PRKCA: variants seen among roughly 807,000 people sequenced by gnomAD.
The protein encoded by PRKCA is protein kinase C alpha.
A neutral mutation model predicts 87.0 loss-of-function variants in PRKCA; 27 were observed. The observed-to-expected ratio is 0.31, with a 90% confidence interval of 0.23 to 0.43. The LOEUF is 0.43. PRKCA is among the 20% of genes least tolerant of loss of function. PRKCA has a pLI of 1.00. For missense variants in PRKCA, 518 were observed against 852.3 expected (o/e 0.61, Z 4.88); for synonymous variants, 329 against 311.1 (o/e 1.06, Z -0.61).
chr17:66,303,165 G>A lies in PRKCA; in HGVS notation c.173+141G>A. The stretch of plus-strand genomic sequence containing the variant: ...GGAGTCCGAACTCTTCGCCCGGAGT[G>A]ACACGCGCGCCCGGCCCTGACACCG... On this transcript the variant is annotated intron_variant, in intron 1 of 16. Coordinates refer to ENST00000413366, the MANE Select transcript of PRKCA (RefSeq NM_002737.3). 3.4e-6 allele frequency: 4 copies of A among 1,175,688 alleles called. No individual in the cohort carries two copies. The South Asian group carries it at 6.4e-5, about 19-fold the overall frequency. The allele number at this position is 1,175,688 out of a possible 1,614,324, so 72.8% of individuals were successfully genotyped here. A position where few individuals can be genotyped will look rare whatever the true frequency, so the allele number is the denominator to read the frequency against.
At chr17:66,559,926 C>G (rs544435526) in intron 3 of PRKCA, among the ~76,000 whole-genome samples, 123 of 152,266 alleles carry the variant, frequency 8.1e-4, no homozygotes, top group African/African-American at 2.8e-3. Flanking sequence ...ATAGTGTTTT[C>G]AAGTGTCACC....
chr17:66,466,289 A>G (rs8072996), intron 2 of PRKCA, among the ~76,000 whole-genome samples: 9,685 of 152,220 alleles, frequency 0.064, 1,022 homozygotes, highest in African/African-American at 0.22. Context: ...TGGAGGAAGC[A>G]TCTAATGGGA....
At chr17:66,381,054 T>A (rs887331736) in intron 2 of PRKCA, among the ~76,000 whole-genome samples, 2 of 151,896 alleles carry the variant, frequency 1.3e-5, no homozygotes, top group East Asian at 3.9e-4. Flanking sequence ...ATCCTCTTGC[T>A]TCAGCCTCCA....
rs148448637 is a variant in PRKCA at position 66,617,521 on chromosome 17, C to T, written c.289-23834C>T. Among the ~76,000 whole-genome samples the T allele has an allele frequency of 3.0e-3, 463 of 152,180 alleles. 3 individuals carry two copies. Among genetic ancestry groups the T allele is most frequent in the Non-Finnish European group, 3.4e-3 (230 of 68,008 alleles). On this transcript the variant is annotated intron_variant, in intron 3 of 16. Coordinates refer to ENST00000413366, the MANE Select transcript of PRKCA (RefSeq NM_002737.3). ...GTGTCCCTAATGGGCTTGTTCCATC[C>T]GTTTGAGTAAATTATGCATGGGCTG...
chr17:66,579,541 GCA>G (rs1021361533), intron 3 of PRKCA, among the ~76,000 whole-genome samples: 9 of 152,180 alleles, frequency 5.9e-5, no homozygotes, highest in Admixed American at 5.9e-4. Flanking sequence ...CATCCCCACT[GCA>G]CACATGTGAA....
At chr17:66,322,807 T>C (rs1905762005) in intron 2 of PRKCA, among the ~76,000 whole-genome samples, 1 of 152,096 alleles carries the variant, frequency 6.6e-6, no homozygotes, top group African/African-American at 2.4e-5. Flanking sequence ...CATTGGATCA[T>C]ATTTTTTAAA....
intron 3 of PRKCA, among the ~76,000 whole-genome samples, chr17:66,544,288 A>G (rs1968083148): frequency 6.6e-6 from 1 of 152,152 alleles, no homozygotes; most frequent in South Asian, 2.1e-4. Context: ...CATGTAGTTC[A>G]TGAACCCAAT....
chr17:66,551,538 G>A (rs1968331486), intron 3 of PRKCA, among the ~76,000 whole-genome samples: 1 of 152,234 alleles, frequency 6.6e-6, no homozygotes, highest in African/African-American at 2.4e-5. Context: ...GAGAGGGCGA[G>A]CCAGACGAAA....
intron 2 of PRKCA, among the ~76,000 whole-genome samples, chr17:66,476,132 T>G (rs1032856666): frequency 5.9e-5 from 9 of 152,156 alleles, no homozygotes; most frequent in African/African-American, 2.2e-4. Context: ...ACTCCTGACC[T>G]CAAGTGATTC....
chr17:66,587,695 GTATACATATATACGTATA>G (rs1375719550), intron 3 of PRKCA, among the ~76,000 whole-genome samples: 7 of 125,562 alleles, frequency 5.6e-5, no homozygotes, highest in Non-Finnish European at 5.1e-5. Flanking sequence ...GTGTGTATAT[GTATACATATATACGTATA>G]TGTGTGTATA....
intron 3 of PRKCA, chr17:66,638,344 C>G (rs373005880): frequency 6.6e-6 from 1 of 151,744 alleles, no homozygotes; most frequent in African/African-American, 2.4e-5. Context: ...GCAAGGATCA[C>G]GTGCAAATAT....
intron 5 of PRKCA, among the ~76,000 whole-genome samples, chr17:66,646,971 C>T (rs1971473825): frequency 6.6e-6 from 1 of 152,160 alleles, no homozygotes; most frequent in African/African-American, 2.4e-5. Flanking sequence ...CCCTATTGTG[C>T]CATTGCCTTT....
intron 5 of PRKCA, among the ~76,000 whole-genome samples, chr17:66,680,795 T>C (rs1025719252): frequency 6.7e-6 from 1 of 150,326 alleles, no homozygotes. Context: ...ACATTGGGGG[T>C]GGGGGAGGTG....
intron 2 of PRKCA, among the ~76,000 whole-genome samples, chr17:66,468,223 T>C (rs1056925208): frequency 9.9e-5 from 15 of 152,234 alleles, no homozygotes; most frequent in Non-Finnish European, 2.2e-4. Context: ...GTCTGTGCTG[T>C]GTATTTACCT....
At chr17:66,497,793 G>A (rs959313101) in intron 3 of PRKCA, among the ~76,000 whole-genome samples, 4 of 152,128 alleles carry the variant, frequency 2.6e-5, no homozygotes, top group Non-Finnish European at 2.9e-5. Flanking sequence ...TTCCCTTTGC[G>A]AAAGATGACA....
At chr17:66,582,971 T>G (rs1969490359) in intron 3 of PRKCA, among the ~76,000 whole-genome samples, 1 of 152,192 alleles carries the variant, frequency 6.6e-6, no homozygotes, top group South Asian at 2.1e-4. Context: ...GTTATGTACA[T>G]CCTGGGACGT....
Position 66,803,824 on chromosome 17 carries a change from G to T in PRKCA, c.1855-49G>T, listed in dbSNP as rs771526151. Reference sequence around the variant, plus strand: ...AGAGGGCCCTCGGAGAGCTGCTCCCGCATTGTCATGTTGACTGACCTTTCC... The same window carrying T: ...AGAGGGCCCTCGGAGAGCTGCTCCCTCATTGTCATGTTGACTGACCTTTCC... On this transcript the variant is annotated intron_variant, in intron 16 of 16. Transcript: ENST00000413366. This position sits in a 1 kb window ranked among gnomAD's most constrained non-coding sequence, Gnocchi z 4.4. 2 of 1,595,492 alleles carry T rather than the reference G, an allele frequency of 1.3e-6. No individual in the cohort carries two copies. The highest frequency in any genetic ancestry group is 1.7e-6 in the Non-Finnish European group (2 of 1,167,816).
At position 66,446,039 on chromosome 17, in the gene PRKCA, C is replaced by G. The variant is rs1318988168; in HGVS notation, c.206-50162C>G. On this transcript the variant is annotated intron_variant, in intron 2 of 16. Transcript: ENST00000413366. ...GTGTTGCCCAGGCTGGTCTCAAACT[C>G]CTGAGCTCAAGTGATCCGTGCACCT... Among the ~76,000 whole-genome samples the G allele has an allele frequency of 2.0e-5, 3 of 152,178 alleles. No individual in the cohort carries two copies. The East Asian group carries it at 5.8e-4, about 29-fold the overall frequency.
chr17:66,587,841 GTATCTACATATACATATATACATATGTA>G (rs1567917144), intron 3 of PRKCA, among the ~76,000 whole-genome samples: 5,012 of 137,884 alleles, frequency 0.036, 519 homozygotes, highest in Non-Finnish European at 0.053. Flanking sequence ...GTATATGTGT[GTATCTACATATACATATATACATATGTA>G]TGTGTGTGTG....
Sources: allele counts gnomAD v4.1 joint callset (sites outside exome capture counted in the v4.1 genomes callset), GRCh38; gene constraint gnomAD v4.1.1; non-coding constraint Gnocchi (gnomAD v3.1); transcripts MANE v1.5; gene names NCBI Gene and HGNC (gene_info 2026-07-23, HGNC 2026-07-21).